Variants in GPR171 observed in about 807,000 individuals in gnomAD.
The protein encoded by GPR171 is G protein-coupled receptor 171.
Under a neutral mutation model 16.7 loss-of-function variants are expected in GPR171, and 14 were observed. The observed-to-expected ratio is 0.84, with a 90% confidence interval of 0.55 to 1.31. The LOEUF (loss-of-function observed/expected upper bound fraction) is 1.31. Ranked by LOEUF, GPR171 falls within the 40% of genes most tolerant of loss-of-function variation. The pLI, the probability that GPR171 is intolerant of heterozygous loss-of-function variation, is 0.00. For synonymous variants in GPR171, 134 were observed against 135.6 expected (o/e 0.99, Z 0.08); for missense variants, 337 against 378.9 (o/e 0.89, Z 0.92).
rs200562228 is a variant in GPR171 at position 151,198,978 on chromosome 3, C to T, written c.409G>A (p.Val137Ile). Residue 137 changes from valine (V) to isoleucine (I), a missense_variant, in exon 3 of 3, where the codon GTT (valine) becomes ATT (isoleucine). Coordinates refer to ENST00000309180, the MANE Select transcript of GPR171 (RefSeq NM_013308.4). ...ATAAGAAGGACCATTAGCCACACAA[C>T]GGTTGATATCATTTTGGCAAATCCG... is the stretch of plus-strand genomic sequence containing the variant. The part of the protein sequence containing the change: ...EPGFAKMIST[V>I]VWLMVLLIMV... The T allele has an allele frequency of 3.8e-5, 62 of 1,613,926 alleles. No individual in the cohort carries two copies. The highest frequency in any genetic ancestry group is 6.7e-5 in the Admixed American group (4 of 60,018).
At chr3:151,201,078 C>T (rs1369526377) in intron 1 of GPR171, 81 bp from the exon 2 acceptor site, 1 of 152,156 alleles carries the variant, frequency 6.6e-6, no homozygotes, top group Non-Finnish European at 1.5e-5. Flanking sequence ...TAAGGGCTTA[C>T]TGTGTGGGCA....
chr3:151,199,155 C>T lies in GPR171; in HGVS notation c.232G>A (p.Ala78Thr). Residue 78 changes from alanine to threonine, a missense_variant, in exon 3 of 3, where the codon GCA becomes ACA. Physicochemically the swap from Ala to Thr is moderately conservative, Grantham distance 58 (BLOSUM62 0). Transcript: ENST00000309180. ...PVKIVVDLGV[A>T]PWKLKIFHCQ... Reference sequence around the variant, plus strand: ...TGGAATATCTTCAGCTTCCAAGGTGCCACACCCAAGTCAACAACAATTTTC... The same window carrying T: ...TGGAATATCTTCAGCTTCCAAGGTGTCACACCCAAGTCAACAACAATTTTC... The T allele has an allele frequency of 1.2e-6, 2 of 1,614,116 alleles. No individual in the cohort carries two copies. Among genetic ancestry groups the T allele is most frequent in the Non-Finnish European group, 1.7e-6 (2 of 1,179,988 alleles).
At position 151,197,870 on chromosome 3, in the gene GPR171, T is replaced by G. The variant is rs2149129283; in HGVS notation, c.*557A>C. On this transcript the variant is annotated 3_prime_UTR_variant, in exon 3 of 3. Coordinates refer to ENST00000309180, the MANE Select transcript of GPR171 (RefSeq NM_013308.4). ...CCTTTTTATAAATAAAAGCTTTTGG[T>G]TATTGTGTTAGAAAAAAATTCGACA... The G allele has an allele frequency of 6.5e-6, 1 of 152,738 alleles. No homozygotes were observed. Among genetic ancestry groups the G allele is most frequent in the East Asian group, 1.9e-4 (1 of 5,186 alleles). The allele number at this position is 152,738 out of a possible 1,614,324, so 9.5% of individuals were successfully genotyped here.
rs752344726 is a variant in GPR171, at chr3:151,199,154, G to T, written c.233C>A (p.Ala78Glu). ...GTGGAATATCTTCAGCTTCCAAGGT[G>T]CCACACCCAAGTCAACAACAATTTT... ...PVKIVVDLGV[A>E]PWKLKIFHCQ... The change falls in exon 3 of 3, where the codon GCA (alanine) becomes GAA (glutamate). Residue 78 changes from alanine to glutamate, a missense_variant. By Grantham distance (107) the Ala-to-Glu change is moderately radical (BLOSUM62 -1). Coordinates refer to ENST00000309180, the MANE Select transcript of GPR171 (RefSeq NM_013308.4). 6.2e-7 allele frequency: 1 copy of T among 1,614,138 alleles called. No homozygotes were observed.
At position 151,199,085 on chromosome 3, in the gene GPR171, G is replaced by A; in HGVS notation, c.302C>T (p.Ser101Leu). 1 of 1,613,812 alleles carries A rather than the reference G, an allele frequency of 6.2e-7. No individual in the cohort carries two copies. Among genetic ancestry groups the A allele is most frequent in the East Asian group, 2.2e-5 (1 of 44,864 alleles). ...ACLIYINMYL[S>L]IIFLAFVSID... ...GCTGACAAATGCTAAGAAGATAATT[G>A]ATAAATACATATTGATATAGATGAG... Residue 101 changes from serine to leucine, a missense_variant, in exon 3 of 3, where the codon TCA becomes TTA. Transcript: ENST00000309180.
In GPR171 at chr3:151,201,223, A is replaced by ACT. The variant is rs58729370; in HGVS notation, c.-142-228_-142-227dup. Among the ~76,000 whole-genome samples the ACT allele has an allele frequency of 6.9e-3, 1,020 of 147,962 alleles. 5 individuals carry two copies. The highest frequency in any genetic ancestry group is 8.9e-3 in the Non-Finnish European group (593 of 66,504). ...TCTATGCATACAACCACGTGCACAC[A>ACT]CTCTCTCTCTCTCTCTCTCTCTCAC... On this transcript the variant is annotated intron_variant, in intron 1 of 2. Transcript: ENST00000309180.
chr3:151,199,406 G>A lies in GPR171; in HGVS notation c.-20C>T. ...TGTCATCTTGAGGGAAAGTAAGGATGACTGCTTATTGAAAAGAAAAAATTT... is the reference window on the plus strand; with the variant it reads ...TGTCATCTTGAGGGAAAGTAAGGATAACTGCTTATTGAAAAGAAAAAATTT... On this transcript the variant is annotated 5_prime_UTR_variant, in exon 3 of 3. Coordinates refer to ENST00000309180, the MANE Select transcript of GPR171 (RefSeq NM_013308.4). The A allele has an allele frequency of 2.5e-6, 4 of 1,569,372 alleles. No homozygotes were observed. The highest frequency in any genetic ancestry group is 2.6e-6 in the Non-Finnish European group (3 of 1,163,196).
chr3:151,201,439 T>G (rs1452783580), intron 1 of GPR171, among the ~76,000 whole-genome samples: 1 of 152,182 alleles, frequency 6.6e-6, no homozygotes, highest in East Asian at 1.9e-4. Context: ...GATAGAAATT[T>G]TGGAGTCATA....
At chr3:151,201,179 T>C (rs1403029690) in intron 1 of GPR171, among the ~76,000 whole-genome samples, 182 bp from the exon 2 acceptor site, 1 of 152,142 alleles carries the variant, frequency 6.6e-6, no homozygotes, top group African/African-American at 2.4e-5. Context: ...AAGTTTAGGC[T>C]TTTCGTATAT....
At chr3:151,199,542 A>G (rs2149139707) in intron 2 of GPR171, 103 bp from the exon 3 acceptor site, 1 of 640,698 alleles carries the variant, frequency 1.6e-6, no homozygotes, top group Admixed American at 3.0e-5. Flanking sequence ...CAGTTCTTAG[A>G]ATTTTATTGG....
chr3:151,198,407 A>G lies in GPR171; in HGVS notation c.*20T>C. ...ATGGTCCAGTAAGGCCAGAATTGGT[A>G]GCACAAAAAATCCTGTCTTTTATGC... On this transcript the variant is annotated 3_prime_UTR_variant, in exon 3 of 3. Coordinates refer to ENST00000309180, the MANE Select transcript of GPR171 (RefSeq NM_013308.4). The G allele has an allele frequency of 6.4e-7, 1 of 1,555,688 alleles. No homozygotes were observed.
chr3:151,199,506 T>G, intron 2 of GPR171, 67 bp from the exon 3 acceptor site: 1 of 829,136 alleles, frequency 1.2e-6, no homozygotes, highest in Non-Finnish European at 1.9e-6. Context: ...TAAAAGACAT[T>G]GGTCTTCACA....
intron 1 of GPR171, among the ~76,000 whole-genome samples, chr3:151,201,242 C>G (rs950667282): frequency 3.3e-5 from 5 of 152,144 alleles, no homozygotes; most frequent in African/African-American, 9.7e-5. Context: ...CTCTCTCTCT[C>G]TCTCACACGC....
In GPR171 at chr3:151,198,360, T is replaced by A; in HGVS notation, c.*67A>T. The A allele has an allele frequency of 8.7e-7, 1 of 1,155,712 alleles. No homozygotes were observed. Among genetic ancestry groups the A allele is most frequent in the Non-Finnish European group, 1.2e-6 (1 of 845,760 alleles). 71.6% of individuals were successfully genotyped at this position (1,155,712 alleles called of 1,614,324 possible). A position where few individuals can be genotyped will look rare whatever the true frequency, so the allele number is the denominator to read the frequency against. On this transcript the variant is annotated 3_prime_UTR_variant, in exon 3 of 3. Coordinates refer to ENST00000309180, the MANE Select transcript of GPR171 (RefSeq NM_013308.4). Reference sequence around the variant, plus strand: ...TTTTTTTGTTTTTTTTTTTTTTATCTTTCAAAGCTATAATTAACTTTATGG... The same window carrying A: ...TTTTTTTGTTTTTTTTTTTTTTATCATTCAAAGCTATAATTAACTTTATGG...
rs185291249 is a variant in GPR171 at position 151,202,530 on chromosome 3, C to T, written c.-143+574G>A. 1.6e-4 allele frequency among the ~76,000 whole-genome samples: 25 copies of T among 152,222 alleles called. No homozygotes were observed. In the East Asian group the frequency reaches 3.5e-3, roughly 21 times the overall value. On this transcript the variant is annotated intron_variant, in intron 1 of 2. Transcript: ENST00000309180. Reference sequence around the variant, plus strand: ...TACTAAAAATACAAAAATTAGCCAACGCGGTGGCGGGCACCTGTAATCCCA... The same window carrying T: ...TACTAAAAATACAAAAATTAGCCAATGCGGTGGCGGGCACCTGTAATCCCA...
At position 151,198,482 on chromosome 3, in the gene GPR171, G is replaced by C; in HGVS notation, c.905C>G (p.Ser302Ter). ...FRSKVTETFASPKETKAQKEK... is the reference protein window; with the variant it reads ...FRSKVTETFA ...TTTCTGAGCCTTGGTCTCTTTAGGT[G>C]AGGCAAAAGTCTCAGTGACCTTTGA... The change falls in exon 3 of 3, where the codon TCA becomes TGA. Residue 302 changes from serine to a stop codon, truncating the protein, a stop_gained. Transcript: ENST00000309180. LOFTEE classifies it low-confidence loss of function (END_TRUNC). 1 of 1,612,360 alleles carries C rather than the reference G, an allele frequency of 6.2e-7. No homozygotes were observed. Among genetic ancestry groups the C allele is most frequent in the East Asian group, 2.2e-5 (1 of 44,864 alleles).
rs1027509044 is a variant in GPR171 at position 151,203,180 on chromosome 3, A to G, written c.-219T>C. Reference sequence around the variant, plus strand: ...AAGCATGAGCTGTTTGGTTAGCCGCAGCAGTAGCAACCCCATTGCAGGCTG... The same window carrying G: ...AAGCATGAGCTGTTTGGTTAGCCGCGGCAGTAGCAACCCCATTGCAGGCTG... On this transcript the variant is annotated 5_prime_UTR_variant, in exon 1 of 3. Coordinates refer to ENST00000309180, the MANE Select transcript of GPR171 (RefSeq NM_013308.4). 1 of 152,204 alleles carries G rather than the reference A, an allele frequency of 6.6e-6. No individual in the cohort carries two copies. Among genetic ancestry groups the G allele is most frequent in the Non-Finnish European group, 1.5e-5 (1 of 68,034 alleles). 9.4% of individuals were successfully genotyped at this position (152,204 alleles called of 1,614,324 possible). A position where few individuals can be genotyped will look rare whatever the true frequency, so the allele number is the denominator to read the frequency against.
At chr3:151,202,110 C>T (rs1171300624) in intron 1 of GPR171, among the ~76,000 whole-genome samples, 2 of 152,186 alleles carry the variant, frequency 1.3e-5, no homozygotes, top group Non-Finnish European at 2.9e-5. Flanking sequence ...ACATTTCTCA[C>T]ATTTGTGTTT....
In GPR171 at chr3:151,197,950, T is replaced by A. The variant is rs918839757; in HGVS notation, c.*477A>T. ...GATTACCATCTTTTGAAGTGATAGA[T>A]TAGAAATAAAATAGGCACAAGTTGT... On this transcript the variant is annotated 3_prime_UTR_variant, in exon 3 of 3. Coordinates refer to ENST00000309180, the MANE Select transcript of GPR171 (RefSeq NM_013308.4). 2 of 152,726 alleles carry A rather than the reference T, an allele frequency of 1.3e-5. No homozygotes were observed. The highest frequency in any genetic ancestry group is 4.8e-5 in the African/African-American group (2 of 41,464). The allele number at this position is 152,726 out of a possible 1,614,324, so 9.5% of individuals were successfully genotyped here.
Sources: allele counts gnomAD v4.1 joint callset (sites outside exome capture counted in the v4.1 genomes callset), GRCh38; gene constraint gnomAD v4.1.1; transcripts MANE v1.5; gene names NCBI Gene and HGNC (gene_info 2026-07-23, HGNC 2026-07-21).